Variants in YWHAB observed in about 807,000 individuals in gnomAD.
The protein encoded by YWHAB is 14-3-3 protein beta/alpha.
YWHAB carries 2 observed loss-of-function variants against 28.5 expected under a neutral mutation model. The observed-to-expected ratio is 0.07, with a 90% CI of 0.03 to 0.22. YWHAB has a LOEUF of 0.22. Ranked by LOEUF, YWHAB falls within the 10% of genes least tolerant of loss-of-function variation. The pLI is 1.00. For synonymous variants in YWHAB, 103 were observed against 104.7 expected (o/e 0.98, Z 0.10); for missense variants, 148 against 297.1 (o/e 0.50, Z 3.69).
chr20:44,888,253 TCAC>T (rs2066539629), intron 1 of YWHAB, among the ~76,000 whole-genome samples: 1 of 152,232 alleles, frequency 6.6e-6, no homozygotes, highest in Admixed American at 6.5e-5. Context: ...TGTGATTTAT[TCAC>T]CAACTGATGA....
At chr20:44,905,815 G>T in intron 4 of YWHAB, 186 bp from the exon 5 acceptor site, 1 of 524,770 alleles carries the variant, frequency 1.9e-6, no homozygotes. Flanking sequence ...TGTCATTGTT[G>T]GTTGGTGCTT....
intron 2 of YWHAB, 46 bp downstream of exon 2, chr20:44,901,879 ATTAAT>A: frequency 6.6e-7 from 1 of 1,525,818 alleles, no homozygotes; most frequent in Middle Eastern, 2.4e-4. Flanking sequence ...TCTAAATAGT[ATTAAT>A]TTAATGTATA....
intron 1 of YWHAB, among the ~76,000 whole-genome samples, chr20:44,898,910 C>T (rs1013031658): frequency 6.8e-6 from 1 of 147,676 alleles, no homozygotes; most frequent in Non-Finnish European, 1.5e-5. Context: ...TGAGGTCAGG[C>T]GTTCAAGACC....
intron 1 of YWHAB, among the ~76,000 whole-genome samples, chr20:44,891,831 C>G (rs2066564069): frequency 6.6e-6 from 1 of 152,194 alleles, no homozygotes; most frequent in African/African-American, 2.4e-5. Context: ...CTTTGTATTA[C>G]AGATATGCTG....
intron 1 of YWHAB, among the ~76,000 whole-genome samples, chr20:44,890,499 A>ATT (rs2066554035): frequency 8.5e-6 from 1 of 118,056 alleles, no homozygotes; most frequent in African/African-American, 3.3e-5. Context: ...CTGGATTCCT[A>ATT]CTTTTTTTTT....
chr20:44,899,523 A>G (rs548233400), intron 1 of YWHAB, among the ~76,000 whole-genome samples: 6 of 152,166 alleles, frequency 3.9e-5, no homozygotes, highest in Non-Finnish European at 7.3e-5. Context: ...CATTACTACT[A>G]CTGTTTAAAG....
rs370845746 is a variant in YWHAB at position 44,906,117 on chromosome 20, G to A, written c.684+21G>A. ...TCACTGTAAGTACTACTTCCACAGGGTTTATAGTCTCTTTCCTATTCACCT... is the reference window on the plus strand; with the variant it reads ...TCACTGTAAGTACTACTTCCACAGGATTTATAGTCTCTTTCCTATTCACCT... On this transcript the variant is annotated intron_variant, in intron 5 of 5. Transcript: ENST00000353703. 22 of 1,571,966 alleles carry A rather than the reference G, an allele frequency of 1.4e-5. No homozygotes were observed. The East Asian group carries it at 1.8e-4, about 13-fold the overall frequency.
At chr20:44,890,979 A>G (rs2066558123) in intron 1 of YWHAB, among the ~76,000 whole-genome samples, 1 of 152,222 alleles carries the variant, frequency 6.6e-6, no homozygotes, top group South Asian at 2.1e-4. Flanking sequence ...TGAGGTACAT[A>G]GTAAGTTTCC....
chr20:44,900,100 A>G (rs1303470483), intron 1 of YWHAB, among the ~76,000 whole-genome samples: 3 of 151,706 alleles, frequency 2.0e-5, no homozygotes, highest in Admixed American at 6.6e-5. Context: ...CCAGGCTGGA[A>G]TGTAATGGCA....
chr20:44,896,131 G>A (rs1224679114), intron 1 of YWHAB, among the ~76,000 whole-genome samples: 8 of 152,230 alleles, frequency 5.3e-5, no homozygotes, highest in South Asian at 2.1e-4. Context: ...GAGCAATGCC[G>A]TCCCATAGGA....
At chr20:44,886,939 C>G (rs556450878) in intron 1 of YWHAB, 1 of 152,298 alleles carries the variant, frequency 6.6e-6, no homozygotes, top group African/African-American at 2.4e-5. Context: ...CAAGATGATG[C>G]TATGAACATA....
At chr20:44,893,401 G>T (rs776160327) in intron 1 of YWHAB, among the ~76,000 whole-genome samples, 1 of 152,000 alleles carries the variant, frequency 6.6e-6, no homozygotes, top group Non-Finnish European at 1.5e-5. Flanking sequence ...CTTAAAAAAA[G>T]AAATAGTACC....
intron 1 of YWHAB, among the ~76,000 whole-genome samples, chr20:44,895,411 A>G (rs576647758): frequency 6.6e-6 from 1 of 152,338 alleles, no homozygotes; most frequent in Non-Finnish European, 1.5e-5. Flanking sequence ...AGTAGCCAAA[A>G]GGGAGTCATT....
chr20:44,908,355 G>A lies in YWHAB; in HGVS notation c.*1917G>A, dbSNP rs1457028583. The A allele has an allele frequency of 6.6e-6, 1 of 152,460 alleles. No homozygotes were observed. The highest frequency in any genetic ancestry group is 1.9e-4 in the East Asian group (1 of 5,196). 9.4% of individuals were successfully genotyped at this position (152,460 alleles called of 1,614,324 possible). ...GCTTCTGTGATGGTTATATTGCCTAGCAAGCACACCCGTGGTTGTGAAAAT... is the reference window on the plus strand; with the variant it reads ...GCTTCTGTGATGGTTATATTGCCTAACAAGCACACCCGTGGTTGTGAAAAT... On this transcript the variant is annotated 3_prime_UTR_variant, in exon 6 of 6. Transcript: ENST00000353703.
rs1255309453 is a variant in YWHAB, at chr20:44,906,096, T to C, written c.684T>C (p.Thr228=). The C allele has an allele frequency of 6.2e-7, 1 of 1,608,284 alleles. No homozygotes were observed. The highest frequency in any genetic ancestry group is 8.5e-7 in the Non-Finnish European group (1 of 1,174,984). Residue 228 remains threonine (T), a splice_region_variant and synonymous_variant, in exon 5 of 6, where the codon ACT becomes ACC. Coordinates refer to ENST00000353703, the MANE Select transcript of YWHAB (RefSeq NM_139323.4). ...LIMQLLRDNL[T]LWTSENQGDE... ...TGCAGTTACTTAGGGACAATCTCAC[T>C]GTAAGTACTACTTCCACAGGGTTTA...
chr20:44,892,066 C>G (rs2066565892), intron 1 of YWHAB, among the ~76,000 whole-genome samples: 1 of 152,168 alleles, frequency 6.6e-6, no homozygotes, highest in Admixed American at 6.5e-5. Flanking sequence ...AGCTTGGCAT[C>G]TGATTTTTCT....
chr20:44,890,497 C>T (rs1236265260), intron 1 of YWHAB, among the ~76,000 whole-genome samples: 2 of 140,342 alleles, frequency 1.4e-5, no homozygotes, highest in African/African-American at 2.6e-5. Context: ...GTCTGGATTC[C>T]TACTTTTTTT....
chr20:44,908,163 AAAG>A lies in YWHAB; in HGVS notation c.*1728_*1730del, dbSNP rs1219075758. 12 of 133,464 alleles carry A rather than the reference AAAG, an allele frequency of 9.0e-5. No individual in the cohort carries two copies. The highest frequency in any genetic ancestry group is 2.5e-4 in the African/African-American group (8 of 31,404). The allele number at this position is 133,464 out of a possible 1,614,324, so 8.3% of individuals were successfully genotyped here. A position where few individuals can be genotyped will look rare whatever the true frequency, so the allele number is the denominator to read the frequency against. On this transcript the variant is annotated 3_prime_UTR_variant, in exon 6 of 6. Transcript: ENST00000353703. ...CACTGATTTAAAACAAACCAAAAAA[AAAG>A]AAAAAAACAAAAAAAAAAATCCCTC... is the stretch of plus-strand genomic sequence containing the variant.
intron 4 of YWHAB, 150 bp from the exon 5 acceptor site, chr20:44,905,851 G>A: frequency 1.6e-6 from 1 of 613,642 alleles, no homozygotes; most frequent in Admixed American, 2.6e-5. Context: ...TACTTCTGCT[G>A]GAAACAGCTA....
Sources: allele counts gnomAD v4.1 joint callset (sites outside exome capture counted in the v4.1 genomes callset), GRCh38; gene constraint gnomAD v4.1.1; transcripts MANE v1.5; gene names NCBI Gene and HGNC (gene_info 2026-07-23, HGNC 2026-07-21).